The following TNRC6C variants were observed in gnomAD, a reference collection of about 807,000 sequenced individuals.
The protein encoded by TNRC6C is trinucleotide repeat-containing gene 6C protein.
A neutral mutation model predicts 153.7 loss-of-function variants in TNRC6C; 20 were observed. That is an observed-to-expected ratio of 0.13 (90% CI 0.09 to 0.19). The LOEUF (loss-of-function observed/expected upper bound fraction) is 0.19. TNRC6C is among the 10% of genes least tolerant of loss of function. TNRC6C has a pLI of 1.00. For synonymous variants in TNRC6C, 811 were observed against 841.4 expected (o/e 0.96, Z 0.63); for missense variants, 1,987 against 2,172.0 (o/e 0.91, Z 1.69).
chr17:77,968,350 G>A (rs1344281300), intron 1 of TNRC6C, among the ~76,000 whole-genome samples: 1 of 148,482 alleles, frequency 6.7e-6, no homozygotes, highest in Non-Finnish European at 1.5e-5. Context: ...GTGGGTTGTT[G>A]TTGTTGTTTG....
intron 1 of TNRC6C, among the ~76,000 whole-genome samples, chr17:77,965,603 C>A (rs958636894): frequency 1.3e-5 from 2 of 152,166 alleles, no homozygotes; most frequent in Non-Finnish European, 2.9e-5. Context: ...GCAGCGGCCA[C>A]AGGGGAAGGA....
intron 16 of TNRC6C, among the ~76,000 whole-genome samples, chr17:78,097,285 G>A (rs527784507): frequency 4.4e-4 from 64 of 146,734 alleles, no homozygotes; most frequent in African/African-American, 1.5e-3. Context: ...ACCCCAGTCA[G>A]AAGAAATACT....
intron 17 of TNRC6C, among the ~76,000 whole-genome samples, chr17:78,100,209 C>T (rs921472462): frequency 1.3e-5 from 2 of 152,194 alleles, no homozygotes; most frequent in African/African-American, 2.4e-5. Context: ...AGGACGGTGA[C>T]CTTCTTCTCA....
At chr17:78,004,150 G>A, upstream of TNRC6C, 1 of 1,231,568 alleles carries the variant, frequency 8.1e-7, no homozygotes, top group Non-Finnish European at 1.0e-6. Context: ...ACTTATACTA[G>A]TTTTCTTTGT....
chr17:78,093,452 T>G (rs1489010401), intron 15 of TNRC6C, among the ~76,000 whole-genome samples, 168 bp from the exon 18 acceptor site: 1 of 152,252 alleles, frequency 6.6e-6, no homozygotes, highest in Non-Finnish European at 1.5e-5. Flanking sequence ...GGTTCTAGTT[T>G]GTTCCAAAGG....
chr17:77,981,287 T>C (rs763312538), intron 1 of TNRC6C, among the ~76,000 whole-genome samples: 17 of 152,210 alleles, frequency 1.1e-4, no homozygotes, highest in Non-Finnish European at 2.4e-4. Context: ...CATCATTGAT[T>C]AAGCCATTGG....
At chr17:78,009,308 G>A (rs1297239534) in intron 1 of TNRC6C, among the ~76,000 whole-genome samples, 1 of 151,930 alleles carries the variant, frequency 6.6e-6, no homozygotes, top group Non-Finnish European at 1.5e-5. Flanking sequence ...GTGATATGAT[G>A]ACCTTGGGAG....
intron 3 of TNRC6C, among the ~76,000 whole-genome samples, chr17:78,060,724 A>G (rs2072751128): frequency 6.6e-6 from 1 of 152,014 alleles, no homozygotes; most frequent in Admixed American, 6.6e-5. Context: ...TATACTCTTA[A>G]TTAATTACAA....
At chr17:78,077,085 ATT>A in intron 8 of TNRC6C, 98 bp from the exon 11 acceptor site, 1 of 1,338,124 alleles carries the variant, frequency 7.5e-7, no homozygotes. Flanking sequence ...TCTGTTAATT[ATT>A]TATCCATCCA....
chr17:78,007,698 A>G (rs1271557404), intron 1 of TNRC6C, among the ~76,000 whole-genome samples: 4 of 152,242 alleles, frequency 2.6e-5, no homozygotes, highest in African/African-American at 9.6e-5. Flanking sequence ...TAGCAATTTG[A>G]GAGAGTCCGA....
In TNRC6C at chr17:78,073,416, C is replaced by T. The variant is rs543676022; in HGVS notation, c.2917+322C>T. Among the ~76,000 whole-genome samples, 6 of 152,336 alleles carry T rather than the reference C, an allele frequency of 3.9e-5. No homozygotes were observed. In the East Asian group the frequency reaches 5.8e-4, roughly 15 times the overall value. On this transcript the variant is annotated intron_variant, in intron 7 of 19. Coordinates refer to ENST00000301624, the Ensembl canonical transcript of TNRC6C. ...ACTAGACTTCAGTGGACACTGAGTG[C>T]GTTCCTCGTGCCTTGCCCCAGAACG... is the stretch of plus-strand genomic sequence containing the variant.
chr17:77,969,683 CT>C (rs2144055456), intron 1 of TNRC6C, among the ~76,000 whole-genome samples: 1 of 151,794 alleles, frequency 6.6e-6, no homozygotes, highest in African/African-American at 2.4e-5. Context: ...GCCTGATGTT[CT>C]TTTCTCTCTG....
exon 2 of TNRC6C, chr17:78,031,806 G>A: frequency 8.1e-7 from 1 of 1,232,292 alleles, no homozygotes; most frequent in Non-Finnish European, 1.0e-6. Context: ...CCTACCTGGA[G>A]CCGGAACACA....
intron 1 of TNRC6C, among the ~76,000 whole-genome samples, chr17:78,028,572 T>C (rs890548093): frequency 3.3e-5 from 5 of 152,200 alleles, no homozygotes; most frequent in African/African-American, 1.2e-4. Flanking sequence ...ACCTGGAGGA[T>C]ACTGGTAGTG....
intron 13 of TNRC6C, 178 bp from the exon 16 acceptor site, chr17:78,091,262 G>C (rs1056292433): frequency 7.0e-6 from 4 of 571,528 alleles, no homozygotes; most frequent in East Asian, 3.6e-5. Flanking sequence ...GGAGGCGGAG[G>C]TTGCAATGAG....
At chr17:78,006,576 C>T (rs58456581) in intron 1 of TNRC6C, among the ~76,000 whole-genome samples, 51 of 125,642 alleles carry the variant, frequency 4.1e-4, no homozygotes, top group Admixed American at 4.4e-4. Context: ...TTCCTTCTTC[C>T]TTCTTCTTCC....
intron 13 of TNRC6C, among the ~76,000 whole-genome samples, chr17:78,089,032 G>A (rs1003572729): frequency 7.1e-6 from 1 of 140,808 alleles, no homozygotes; most frequent in African/African-American, 2.7e-5. Context: ...CGATGGCGCA[G>A]TCTCGGCTCA....
At chr17:78,015,332 A>T (rs1327727923) in intron 1 of TNRC6C, among the ~76,000 whole-genome samples, 1 of 152,254 alleles carries the variant, frequency 6.6e-6, no homozygotes. Context: ...TTGTATTTAT[A>T]CATCAATTGT....
rs572831345 is a variant in TNRC6C at position 78,079,984 on chromosome 17, G to A, written c.3357+443G>A. Among the ~76,000 whole-genome samples the A allele has an allele frequency of 2.4e-4, 37 of 152,276 alleles. No individual in the cohort carries two copies. The highest frequency in any genetic ancestry group is 4.3e-4 in the Non-Finnish European group (29 of 68,032). On this transcript the variant is annotated intron_variant, in intron 10 of 19. Coordinates refer to ENST00000301624, the Ensembl canonical transcript of TNRC6C. This position sits in a 1 kb window ranked among gnomAD's most constrained non-coding sequence, Gnocchi z 4.3. ...AAAAGAAACCCTTAGAAGCAGCCAA[G>A]GACTGAATCATGCTTTAATGAGAAA...
Sources: gnomAD v4.1 joint callset for allele counts (sites outside exome capture counted in the v4.1 genomes callset) on GRCh38, gnomAD v4.1.1 for gene constraint, Gnocchi (gnomAD v3.1) non-coding constraint, MANE v1.5 for transcripts, NCBI Gene and HGNC (gene_info 2026-07-23, HGNC 2026-07-21) for gene names.